The following CLPX variants were observed in gnomAD, a reference collection of about 807,000 sequenced individuals.
CLPX encodes caseinolytic mitochondrial matrix peptidase chaperone subunit X, also known as ATP-dependent clpX-like chaperone, mitochondrial.
In CLPX, 34 loss-of-function variants were observed where a neutral mutation model predicts 76.4. That is an observed-to-expected ratio of 0.45 (90% CI 0.34 to 0.59). The LOEUF is 0.59. CLPX is among the 20% of genes least tolerant of loss of function. The pLI is 0.01. For missense variants in CLPX, 613 were observed against 757.0 expected (o/e 0.81, Z 2.23); for synonymous variants, 248 against 270.9 (o/e 0.92, Z 0.83).
chr15:65,154,709 T>C, intron 11 of CLPX, 73 bp downstream of exon 11: 8 of 1,209,598 alleles, frequency 6.6e-6, no homozygotes, highest in Non-Finnish European at 9.2e-6. Context: ...GTTTTTGTTG[T>C]TAGGTTAATT....
intron 3 of CLPX, among the ~76,000 whole-genome samples, chr15:65,174,833 A>G (rs945139279): frequency 2.0e-5 from 3 of 152,208 alleles, no homozygotes; most frequent in African/African-American, 4.8e-5. Context: ...AAAGCTAGGT[A>G]TAAGTAGGCC....
Position 65,179,912 on chromosome 15 carries a change from T to G in CLPX, c.240+132A>C, listed in dbSNP as rs116316887. 599 of 533,064 alleles carry G rather than the reference T, an allele frequency of 1.1e-3. 2 individuals are homozygous for G. Among genetic ancestry groups the G allele is most frequent in the African/African-American group, 0.011 (570 of 51,486 alleles). 33.0% of individuals were successfully genotyped at this position (533,064 alleles called of 1,614,324 possible). A position where few individuals can be genotyped will look rare whatever the true frequency, so the allele number is the denominator to read the frequency against. ...AAATGAAACATCTAATTACATAAAA[T>G]TATTCAGATCATTTTAGCTATCTCA... On this transcript the variant is annotated intron_variant, in intron 2 of 13. Transcript: ENST00000300107.
intron 8 of CLPX, among the ~76,000 whole-genome samples, 200 bp from the exon 9 acceptor site, chr15:65,157,132 G>A (rs746464782): frequency 1.3e-5 from 2 of 152,088 alleles, no homozygotes; most frequent in African/African-American, 2.4e-5. Flanking sequence ...TCTGCTCTAC[G>A]GAGTAACATT....
At chr15:65,168,922 T>C (rs2087958689) in intron 3 of CLPX, among the ~76,000 whole-genome samples, 1 of 151,172 alleles carries the variant, frequency 6.6e-6, no homozygotes, top group African/African-American at 2.4e-5. Flanking sequence ...AGTGGCGTGA[T>C]CACTACTCAC....
At position 65,149,062 on chromosome 15, in the gene CLPX, AAAAAC is replaced by A. The variant is rs2087686159; in HGVS notation, c.*1756_*1760del. On this transcript the variant is annotated 3_prime_UTR_variant, in exon 14 of 14. Coordinates refer to ENST00000300107, the MANE Select transcript of CLPX (RefSeq NM_006660.5). The stretch of plus-strand genomic sequence containing the variant: ...AATTAGACCAAAATGTTCAGCACCA[AAAAAC>A]AAAACAAAAAAACTAGCTCAATACT... 1 of 152,230 alleles carries A rather than the reference AAAAAC, an allele frequency of 6.6e-6. No homozygotes were observed. Among genetic ancestry groups the A allele is most frequent in the Non-Finnish European group, 1.5e-5 (1 of 68,044 alleles). The allele number at this position is 152,230 out of a possible 1,614,324, so 9.4% of individuals were successfully genotyped here.
At position 65,185,031 on chromosome 15, in the gene CLPX, C is replaced by A. The variant is rs200222914; in HGVS notation, c.79+44G>T. The A allele has an allele frequency of 2.1e-4, 319 of 1,505,716 alleles. 1 individual carries two copies. Among genetic ancestry groups the A allele is most frequent in the African/African-American group, 1.7e-3 (122 of 72,192 alleles). 93.3% of individuals were successfully genotyped at this position (1,505,716 alleles called of 1,614,324 possible). A position where few individuals can be genotyped will look rare whatever the true frequency, so the allele number is the denominator to read the frequency against. ...CCCCAACCATTGGCCAGTCCACCCC[C>A]CCCCCGACAGGCTGAGGGCTCAGGA... On this transcript the variant is annotated intron_variant, in intron 1 of 13. Transcript: ENST00000300107.
chr15:65,179,148 ATCT>A (rs966019086), intron 2 of CLPX, 97 bp from the exon 3 acceptor site: 38 of 625,760 alleles, frequency 6.1e-5, no homozygotes, highest in African/African-American at 3.0e-4. Flanking sequence ...TAATTTTATA[ATCT>A]TCTATATTTC....
intron 1 of CLPX, among the ~76,000 whole-genome samples, chr15:65,180,445 A>G (rs749218755): frequency 2.0e-5 from 3 of 152,192 alleles, no homozygotes; most frequent in Non-Finnish European, 4.4e-5. Flanking sequence ...GTCCTTTGGA[A>G]ATAAGGCAAG....
chr15:65,164,056 C>T lies in CLPX; in HGVS notation c.646G>A (p.Glu216Lys), dbSNP rs1163453717. 1.2e-6 allele frequency: 2 copies of T among 1,613,364 alleles called. No individual in the cohort carries two copies. The highest frequency in any genetic ancestry group is 1.7e-6 in the Non-Finnish European group (2 of 1,179,840). The change falls in exon 5 of 14, where the codon GAG (glutamate) becomes AAG (lysine). Residue 216 changes from glutamate to lysine, a missense_variant. By Grantham distance (56) the Glu-to-Lys change is moderately conservative. Transcript: ENST00000300107. ...PANLRQQAEV[E>K]KQTSLTPREL... is the part of the protein sequence containing the mutation. ...CTTGGTGTTAATGATGTCTGCTTCT[C>T]AACCTCTGCTTGCTGTCTCAGATTA... is the stretch of plus-strand genomic sequence containing the variant.
chr15:65,166,527 C>T lies in CLPX; in HGVS notation c.513+104G>A. On this transcript the variant is annotated intron_variant, in intron 4 of 13. Coordinates refer to ENST00000300107, the MANE Select transcript of CLPX (RefSeq NM_006660.5). ...TGGTCCATATTATGAACCTATAATA[C>T]TTGTTTATATACTAGTATTAGGATT... The T allele has an allele frequency of 5.7e-6, 7 of 1,217,656 alleles. No individual in the cohort carries two copies. In the South Asian group the frequency reaches 9.2e-5, roughly 16 times the overall value. The allele number at this position is 1,217,656 out of a possible 1,614,324, so 75.4% of individuals were successfully genotyped here.
At chr15:65,152,904 T>TGTTTG (rs35094787) in intron 12 of CLPX, among the ~76,000 whole-genome samples, 1 of 150,594 alleles carries the variant, frequency 6.6e-6, no homozygotes, top group Non-Finnish European at 1.5e-5. Flanking sequence ...GCCTCTTTTT[T>TGTTTG]TTTGTTTGTT....
chr15:65,181,837 G>C (rs2088177370), intron 1 of CLPX, among the ~76,000 whole-genome samples: 1 of 151,520 alleles, frequency 6.6e-6, no homozygotes, highest in Non-Finnish European at 1.5e-5. Context: ...AAAAGTAATT[G>C]AGGGGGCCAG....
chr15:65,162,125 A>G (rs1460015205), intron 6 of CLPX, among the ~76,000 whole-genome samples: 1 of 152,132 alleles, frequency 6.6e-6, no homozygotes, highest in Non-Finnish European at 1.5e-5. Flanking sequence ...ACACAACAGA[A>G]AGGCCACTCT....
chr15:65,151,992 C>T (rs1007660468), intron 13 of CLPX, among the ~76,000 whole-genome samples: 2 of 152,008 alleles, frequency 1.3e-5, no homozygotes, highest in South Asian at 2.1e-4. Context: ...TGCAGTGGTG[C>T]GATCTTGGCT....
chr15:65,150,759 GA>G lies in CLPX; in HGVS notation c.*63del, dbSNP rs958497177. On this transcript the variant is annotated 3_prime_UTR_variant, in exon 14 of 14. Coordinates refer to ENST00000300107, the MANE Select transcript of CLPX (RefSeq NM_006660.5). Reference sequence around the variant, plus strand: ...CCAATGCCTTTAATATCAGACTGTAGAGACAATTATGATCCTAAACAAAAGA... The same window carrying G: ...CCAATGCCTTTAATATCAGACTGTAGGACAATTATGATCCTAAACAAAAGA... The G allele has an allele frequency of 8.8e-7, 1 of 1,139,022 alleles. No homozygotes were observed. Among genetic ancestry groups the G allele is most frequent in the Non-Finnish European group, 1.3e-6 (1 of 766,868 alleles). 70.6% of individuals were successfully genotyped at this position (1,139,022 alleles called of 1,614,324 possible).
intron 13 of CLPX, among the ~76,000 whole-genome samples, chr15:65,151,968 C>T (rs1368363092): frequency 6.6e-6 from 1 of 152,094 alleles, no homozygotes; most frequent in Non-Finnish European, 1.5e-5. Flanking sequence ...CTCACTTTGT[C>T]GCCCAGGCTG....
intron 4 of CLPX, among the ~76,000 whole-genome samples, 170 bp downstream of exon 4, chr15:65,166,461 C>T (rs2087913855): frequency 6.6e-6 from 1 of 152,130 alleles, no homozygotes; most frequent in African/African-American, 2.4e-5. Flanking sequence ...CAACAGACCC[C>T]ATATTTAAAT....
chr15:65,172,711 G>A (rs889582752), intron 3 of CLPX, among the ~76,000 whole-genome samples: 14 of 152,140 alleles, frequency 9.2e-5, no homozygotes, highest in African/African-American at 2.9e-4. Context: ...ATAAACCTAA[G>A]AAAAGATTAA....
At chr15:65,160,649 A>ACACT (rs1398826909) in intron 6 of CLPX, among the ~76,000 whole-genome samples, 6 of 151,766 alleles carry the variant, frequency 4.0e-5, no homozygotes, top group African/African-American at 1.5e-4. Context: ...ACACACACAC[A>ACACT]CACACACACG....
Sources: gnomAD v4.1 joint callset for allele counts (sites outside exome capture counted in the v4.1 genomes callset) on GRCh38, gnomAD v4.1.1 for gene constraint, MANE v1.5 for transcripts, NCBI Gene and HGNC (gene_info 2026-07-23, HGNC 2026-07-21) for gene names.